The following PCCA variants were observed in gnomAD, a reference collection of about 807,000 sequenced individuals.
PCCA encodes propionyl-CoA carboxylase alpha chain, mitochondrial.
PCCA carries 74 observed loss-of-function variants against 101.3 expected under a neutral mutation model. That is an observed-to-expected ratio of 0.73 (90% CI 0.61 to 0.89). The LOEUF (loss-of-function observed/expected upper bound fraction) is 0.89. PCCA is among the 40% of genes least tolerant of loss of function. PCCA has a pLI of 0.00. For missense variants in PCCA, 891 were observed against 907.0 expected (o/e 0.98, Z 0.23); for synonymous variants, 294 against 313.6 (o/e 0.94, Z 0.66).
intron 6 of PCCA, among the ~76,000 whole-genome samples, chr13:100,199,277 A>G (rs1352724433): frequency 6.6e-6 from 1 of 152,108 alleles, no homozygotes; most frequent in Non-Finnish European, 1.5e-5. Context: ...TTTGGCTTTT[A>G]TAGTAATCAT....
At chr13:100,351,559 A>G (rs576145259) in intron 18 of PCCA, among the ~76,000 whole-genome samples, 27 of 152,226 alleles carry the variant, frequency 1.8e-4, no homozygotes, top group Middle Eastern at 3.4e-3. Context: ...CTATATTTGT[A>G]TATATGAAGA....
intron 20 of PCCA, among the ~76,000 whole-genome samples, chr13:100,426,421 A>T (rs1026225807): frequency 6.6e-6 from 1 of 151,942 alleles, no homozygotes; most frequent in Non-Finnish European, 1.5e-5. Context: ...AGCCCCACCC[A>T]TAGCATTAAA....
chr13:100,444,112 A>C (rs1300322757), intron 20 of PCCA, among the ~76,000 whole-genome samples: 1 of 151,922 alleles, frequency 6.6e-6, no homozygotes, highest in Non-Finnish European at 1.5e-5. Context: ...ATTTCTGGCC[A>C]CGCTGAACTG....
intron 8 of PCCA, among the ~76,000 whole-genome samples, chr13:100,257,090 T>A (rs188243949): frequency 4.6e-5 from 7 of 152,276 alleles, no homozygotes; most frequent in African/African-American, 9.6e-5. Context: ...AGGTTTGGAT[T>A]TTCCCCAATA....
chr13:100,234,450 A>G (rs1414955941), intron 7 of PCCA, among the ~76,000 whole-genome samples: 3 of 151,792 alleles, frequency 2.0e-5, no homozygotes, highest in Admixed American at 2.0e-4. Flanking sequence ...GGAAAATCTC[A>G]TTAGCAGATG....
At chr13:100,418,188 T>C (rs1027795117) in intron 19 of PCCA, among the ~76,000 whole-genome samples, 1 of 152,194 alleles carries the variant, frequency 6.6e-6, no homozygotes, top group African/African-American at 2.4e-5. Flanking sequence ...CCTTCATTCT[T>C]CCATCAGTCT....
chr13:100,359,670 A>G (rs565302452), intron 18 of PCCA, among the ~76,000 whole-genome samples: 65 of 152,362 alleles, frequency 4.3e-4, no homozygotes, highest in Admixed American at 1.5e-3. Context: ...AGCTTTCCAC[A>G]CCTTAATTGG....
intron 21 of PCCA, among the ~76,000 whole-genome samples, chr13:100,510,556 A>C (rs1434378439): frequency 6.6e-6 from 1 of 152,238 alleles, no homozygotes; most frequent in Non-Finnish European, 1.5e-5. Context: ...GATTGAAGAA[A>C]ATAGCCTTTT....
At chr13:100,238,626 G>A (rs1189534514) in intron 8 of PCCA, among the ~76,000 whole-genome samples, 1 of 152,162 alleles carries the variant, frequency 6.6e-6, no homozygotes, top group East Asian at 1.9e-4. Context: ...AGGGTCATCA[G>A]CTCTTACAAA....
intron 12 of PCCA, among the ~76,000 whole-genome samples, chr13:100,284,393 G>T (rs549093846): frequency 2.6e-5 from 4 of 152,292 alleles, no homozygotes; most frequent in African/African-American, 9.6e-5. Flanking sequence ...CAATTTGGAA[G>T]GGCAAAAAAT....
chr13:100,235,500 G>A (rs1035884686), intron 7 of PCCA, among the ~76,000 whole-genome samples: 2 of 152,070 alleles, frequency 1.3e-5, no homozygotes, highest in African/African-American at 4.8e-5. Flanking sequence ...GCTGGCTGCG[G>A]ACAAGCTTTA....
intron 4 of PCCA, among the ~76,000 whole-genome samples, chr13:100,119,894 G>A (rs986847169): frequency 1.1e-4 from 16 of 151,740 alleles, no homozygotes; most frequent in South Asian, 1.0e-3. Context: ...TATTTGAGCC[G>A]GAGTTTTGCT....
At chr13:100,323,506 CG>C (rs2068301658) in intron 16 of PCCA, among the ~76,000 whole-genome samples, 1 of 151,922 alleles carries the variant, frequency 6.6e-6, no homozygotes, top group African/African-American at 2.4e-5. Context: ...TTAGTAGAGA[CG>C]GGGTTTCACC....
chr13:100,252,000 G>GT (rs2061784469), intron 8 of PCCA, among the ~76,000 whole-genome samples: 1 of 38,202 alleles, frequency 2.6e-5, no homozygotes. Context: ...TGGGGAGGCT[G>GT]AGGGGGTTCA....
chr13:100,429,250 T>C lies in PCCA; in HGVS notation c.1845+3519T>C, dbSNP rs1425714305. On this transcript the variant is annotated intron_variant, in intron 20 of 23. Transcript: ENST00000376285. ...TCCCCCTTTTCTCTCTCTGCTTGCT[T>C]CCTGGGCTGCATTGCTCCAAGAGTT... 7.9e-5 allele frequency among the ~76,000 whole-genome samples: 12 copies of C among 152,128 alleles called. No homozygotes were observed. In the East Asian group the frequency reaches 2.3e-3, roughly 30 times the overall value.
chr13:100,384,251 C>T (rs2076383459), intron 19 of PCCA, among the ~76,000 whole-genome samples: 2 of 152,190 alleles, frequency 1.3e-5, no homozygotes, highest in Non-Finnish European at 1.5e-5. Context: ...ATCTCGAACT[C>T]CTCACCTCAG....
chr13:100,250,021 A>T (rs1446601663), intron 8 of PCCA, among the ~76,000 whole-genome samples: 1 of 152,146 alleles, frequency 6.6e-6, no homozygotes, highest in Non-Finnish European at 1.5e-5. Flanking sequence ...TAGTGAAGAC[A>T]GTTCTATTTA....
chr13:100,152,849 C>A (rs964660102), intron 4 of PCCA, among the ~76,000 whole-genome samples: 1 of 152,128 alleles, frequency 6.6e-6, no homozygotes, highest in African/African-American at 2.4e-5. Flanking sequence ...GGTATCATTA[C>A]GAAAGTGTAT....
At chr13:100,520,620 G>C (rs1465019997) in intron 22 of PCCA, among the ~76,000 whole-genome samples, 3 of 130,982 alleles carry the variant, frequency 2.3e-5, no homozygotes, top group Non-Finnish European at 4.6e-5. Context: ...GGGCGACAGA[G>C]CGAGACTCCG....
Sources: allele counts gnomAD v4.1 joint callset (sites outside exome capture counted in the v4.1 genomes callset), GRCh38; gene constraint gnomAD v4.1.1; transcripts MANE v1.5; gene names NCBI Gene and HGNC (gene_info 2026-07-23, HGNC 2026-07-21).